Variants in DCC observed in about 807,000 individuals in gnomAD.
DCC encodes DCC netrin 1 receptor, also known as netrin receptor DCC.
A neutral mutation model predicts 172.5 loss-of-function variants in DCC; 58 were observed. That is an observed-to-expected ratio of 0.34 (90% CI 0.27 to 0.42). The LOEUF is 0.42. Ranked by LOEUF, DCC falls within the 10% of genes least tolerant of loss-of-function variation. The pLI is 1.00. For synonymous variants in DCC, 709 were observed against 644.5 expected (o/e 1.10, Z -1.52); for missense variants, 1,740 against 1,791.0 (o/e 0.97, Z 0.51).
intron 26 of DCC, among the ~76,000 whole-genome samples, chr18:53,494,356 G>A (rs958007535): frequency 1.3e-5 from 2 of 152,300 alleles, no homozygotes; most frequent in Non-Finnish European, 2.9e-5. Flanking sequence ...CTGAGTTCAA[G>A]TAATGGATAT....
chr18:52,636,780 G>A (rs1277341832), intron 1 of DCC, among the ~76,000 whole-genome samples: 1 of 152,144 alleles, frequency 6.6e-6, no homozygotes, highest in Non-Finnish European at 1.5e-5. Context: ...GGGAGTTCTA[G>A]GGCCCCGCCC....
chr18:53,406,832 T>C (rs776667809), intron 19 of DCC, among the ~76,000 whole-genome samples: 1 of 152,132 alleles, frequency 6.6e-6, no homozygotes, highest in Non-Finnish European at 1.5e-5. Context: ...ATAATGAATT[T>C]ATTATCTCTC....
chr18:53,051,215 G>C (rs2042330060), intron 5 of DCC, among the ~76,000 whole-genome samples: 1 of 152,132 alleles, frequency 6.6e-6, no homozygotes. Flanking sequence ...GGGCAATGGA[G>C]AGACATTGTG....
At chr18:52,484,794 A>G (rs1230337560) in intron 1 of DCC, among the ~76,000 whole-genome samples, 1 of 151,174 alleles carries the variant, frequency 6.6e-6, no homozygotes, top group Non-Finnish European at 1.5e-5. Flanking sequence ...CCCAGAACTT[A>G]TAGTAAAATT....
At chr18:52,390,296 AG>A (rs1985980878) in intron 1 of DCC, among the ~76,000 whole-genome samples, 1 of 151,978 alleles carries the variant, frequency 6.6e-6, no homozygotes, top group Non-Finnish European at 1.5e-5. Context: ...CTATTTCCAA[AG>A]CTCTACCTGC....
In DCC at chr18:52,340,697, T is replaced by G; in HGVS notation, c.-91T>G. 6 of 886,860 alleles carry G rather than the reference T, an allele frequency of 6.8e-6. No individual in the cohort carries two copies. The highest frequency in any genetic ancestry group is 1.2e-5 in the Non-Finnish European group (6 of 518,490). The allele number at this position is 886,860 out of a possible 1,614,324, so 54.9% of individuals were successfully genotyped here. A position where few individuals can be genotyped will look rare whatever the true frequency, so the allele number is the denominator to read the frequency against. On this transcript the variant is annotated 5_prime_UTR_variant, in exon 1 of 29. Coordinates refer to ENST00000442544, the MANE Select transcript of DCC (RefSeq NM_005215.4). ...GAGGAAGCCGAAGGGGCTCGGCGCG[T>G]GTGTGTGCATGTGTGCATGCGTGTG... is the stretch of plus-strand genomic sequence containing the variant.
chr18:52,441,826 A>G (rs866061821), intron 1 of DCC, among the ~76,000 whole-genome samples: 2 of 152,200 alleles, frequency 1.3e-5, no homozygotes, highest in African/African-American at 4.8e-5. Flanking sequence ...AAGATTAGCA[A>G]ATCATCCATA....
At chr18:52,413,474 C>T (rs1986911443) in intron 1 of DCC, among the ~76,000 whole-genome samples, 1 of 151,858 alleles carries the variant, frequency 6.6e-6, no homozygotes. Context: ...TATATAACCT[C>T]TCTTCTGACT....
intron 1 of DCC, among the ~76,000 whole-genome samples, chr18:52,623,922 A>G (rs982246765): frequency 6.6e-6 from 1 of 152,184 alleles, no homozygotes; most frequent in Non-Finnish European, 1.5e-5. Context: ...GTGTGTATTG[A>G]ATACACAGGG....
chr18:52,755,715 G>A (rs2037066605), intron 2 of DCC, among the ~76,000 whole-genome samples: 1 of 151,954 alleles, frequency 6.6e-6, no homozygotes, highest in Admixed American at 6.6e-5. Flanking sequence ...GCTTTGCTTG[G>A]GTAAAACAAC....
intron 25 of DCC, among the ~76,000 whole-genome samples, chr18:53,474,389 A>G (rs920239719): frequency 6.6e-6 from 1 of 152,236 alleles, no homozygotes; most frequent in Non-Finnish European, 1.5e-5. Context: ...TTAGAAAATC[A>G]GTAAAATAAT....
At chr18:53,214,238 C>T (rs1228253569) in intron 11 of DCC, among the ~76,000 whole-genome samples, 4 of 151,834 alleles carry the variant, frequency 2.6e-5, no homozygotes, top group African/African-American at 9.7e-5. Context: ...CTGGCTGCAA[C>T]CTTCATCAGG....
chr18:52,721,594 T>C (rs900083683), intron 1 of DCC, among the ~76,000 whole-genome samples: 2 of 152,200 alleles, frequency 1.3e-5, no homozygotes, highest in Admixed American at 6.5e-5. Flanking sequence ...TGGGCCTTTT[T>C]CCTAAGGCAC....
intron 1 of DCC, among the ~76,000 whole-genome samples, chr18:52,428,987 T>C (rs958562052): frequency 6.6e-6 from 1 of 152,102 alleles, no homozygotes; most frequent in African/African-American, 2.4e-5. Context: ...TGAATACTTT[T>C]ATCCAATCAT....
At chr18:52,437,195 G>T (rs1309312814) in intron 1 of DCC, among the ~76,000 whole-genome samples, 2 of 152,144 alleles carry the variant, frequency 1.3e-5, no homozygotes, top group Non-Finnish European at 2.9e-5. Context: ...ATGGCAAATT[G>T]CCAAATGGGG....
intron 2 of DCC, among the ~76,000 whole-genome samples, chr18:52,815,435 C>CACACACACGT (rs1213080201): frequency 6.9e-6 from 1 of 145,098 alleles, no homozygotes; most frequent in East Asian, 2.1e-4. Flanking sequence ...CACACACACA[C>CACACACACGT]ACGTTCTCTC....
chr18:53,367,830 T>C (rs8095929), intron 15 of DCC, among the ~76,000 whole-genome samples: 28,087 of 152,114 alleles, frequency 0.18, 2,786 homozygotes, highest in Middle Eastern at 0.3. Context: ...AAGATTAATC[T>C]GTGTTAAAGC....
chr18:52,800,366 G>A (rs979559761), intron 2 of DCC, among the ~76,000 whole-genome samples: 2 of 152,184 alleles, frequency 1.3e-5, no homozygotes, highest in African/African-American at 4.8e-5. Flanking sequence ...GAATAGAAAA[G>A]ATAGTATTCT....
intron 1 of DCC, among the ~76,000 whole-genome samples, chr18:52,687,931 A>G (rs1179398366): frequency 6.6e-6 from 1 of 152,130 alleles, no homozygotes; most frequent in Non-Finnish European, 1.5e-5. Flanking sequence ...ACGACCCTTC[A>G]GTTGTCTTTG....
Sources: gnomAD v4.1 joint callset for allele counts (sites outside exome capture counted in the v4.1 genomes callset) on GRCh38, gnomAD v4.1.1 for gene constraint, MANE v1.5 for transcripts, NCBI Gene and HGNC (gene_info 2026-07-23, HGNC 2026-07-21) for gene names.